Variants in GLI2 observed in about 807,000 individuals in gnomAD.
GLI2 encodes the protein transcription activator GLI2.
Under a neutral mutation model 78.9 loss-of-function variants are expected in GLI2, and 22 were observed. The ratio of observed to expected loss-of-function variants is 0.28; its 90% CI spans 0.20 to 0.40. The LOEUF is 0.40. GLI2 is among the 10% of genes least tolerant of loss of function. The pLI, the probability that GLI2 is intolerant of heterozygous loss-of-function variation, is 1.00. For missense variants in GLI2, 2,097 were observed against 2,213.2 expected (o/e 0.95, Z 1.05); for synonymous variants, 974 against 963.7 (o/e 1.01, Z -0.20).
intron 2 of GLI2, among the ~76,000 whole-genome samples, chr2:120,905,036 T>C (rs2104793983): frequency 6.6e-6 from 1 of 152,330 alleles, no homozygotes; most frequent in South Asian, 2.1e-4. Context: ...ATGTGAGCAA[T>C]GAAACTTGCC....
chr2:120,963,719 C>T (rs553991866), intron 5 of GLI2, among the ~76,000 whole-genome samples: 1 of 152,380 alleles, frequency 6.6e-6, no homozygotes, highest in Admixed American at 6.5e-5. Flanking sequence ...CTCCTCTGCA[C>T]CCTGGGCATA....
At chr2:120,899,736 A>G (rs1052495132) in intron 2 of GLI2, among the ~76,000 whole-genome samples, 1 of 152,080 alleles carries the variant, frequency 6.6e-6, no homozygotes, top group African/African-American at 2.4e-5. Context: ...TCTTGTGGCT[A>G]CTCTGAGGGT....
intron 2 of GLI2, among the ~76,000 whole-genome samples, chr2:120,915,114 C>A (rs767066951): frequency 6.6e-6 from 1 of 152,216 alleles, no homozygotes; most frequent in African/African-American, 2.4e-5. Context: ...ACCAGGAGAC[C>A]AGTCTCAGAA....
rs761492633 is a variant in GLI2 at position 120,989,747 on chromosome 2, G to A, written c.3782G>A (p.Gly1261Glu). Residue 1261 changes from glycine to glutamate, a missense_variant, in exon 14 of 14, where the codon GGG (glycine) becomes GAG (glutamate). Gly to Glu is a moderately conservative substitution (Grantham distance 98, BLOSUM62 -2). Around this residue, in one of 5 missense-constraint regions of GLI2, gnomAD observed 1,290 missense variants for 1,261.7 expected, o/e 1.02. Coordinates refer to ENST00000361492, the MANE Select transcript of GLI2 (RefSeq NM_001374353.1). ...QSCSNMPAKP[G>E]HLGHPQQTEV... The stretch of plus-strand genomic sequence containing the variant: ...TGCAGCAACATGCCAGCCAAGCCAG[G>A]GCATCTGGGGCACCCTCAGCAGACA... 3.1e-6 allele frequency: 5 copies of A among 1,612,830 alleles called. No homozygotes were observed. The highest frequency in any genetic ancestry group is 4.2e-6 in the Non-Finnish European group (5 of 1,179,792).
At chr2:120,936,893 A>G (rs1180260190) in intron 3 of GLI2, among the ~76,000 whole-genome samples, 4 of 152,172 alleles carry the variant, frequency 2.6e-5, no homozygotes, top group Non-Finnish European at 4.4e-5. Flanking sequence ...CTGAGGGAAA[A>G]TGTGAGCAGT....
intron 2 of GLI2, among the ~76,000 whole-genome samples, chr2:120,896,543 C>A (rs116439862): frequency 0.027 from 4,132 of 152,118 alleles, 156 homozygotes; most frequent in African/African-American, 0.081. Context: ...GTGGTAACAG[C>A]AGTAAAAATT....
intron 3 of GLI2, among the ~76,000 whole-genome samples, chr2:120,944,669 C>T (rs1276702893): frequency 6.6e-6 from 1 of 152,234 alleles, no homozygotes; most frequent in African/African-American, 2.4e-5. Flanking sequence ...TGTCAGTGCC[C>T]AATCCAACTT....
chr2:120,898,901 G>A (rs543561882), intron 2 of GLI2, among the ~76,000 whole-genome samples: 40 of 152,252 alleles, frequency 2.6e-4, no homozygotes, highest in African/African-American at 9.6e-4. Context: ...GGCTGCTGGT[G>A]CTAAGACTTT....
rs141532206 is a variant in GLI2, at chr2:120,768,280, C to T, written c.-30-29011C>T. Among the ~76,000 whole-genome samples the T allele has an allele frequency of 3.2e-3, 487 of 152,190 alleles. 2 individuals are homozygous for T. The highest frequency in any genetic ancestry group is 0.011 in the African/African-American group (459 of 41,538). On this transcript the variant is annotated intron_variant, in intron 1 of 13. Coordinates refer to ENST00000361492, the MANE Select transcript of GLI2 (RefSeq NM_001374353.1). The stretch of plus-strand genomic sequence containing the variant: ...CCTATGCGGTGGGCGGACTTATCCC[C>T]GTCTCAGAGGAAGCACTGAGCCAGA...
At chr2:120,807,917 G>A (rs553459040) in intron 2 of GLI2, among the ~76,000 whole-genome samples, 8 of 152,286 alleles carry the variant, frequency 5.3e-5, no homozygotes, top group African/African-American at 1.7e-4. Flanking sequence ...TGGGCAGGGT[G>A]GGGAGGGAGC....
chr2:120,966,885 G>T (rs1340291702), intron 5 of GLI2, among the ~76,000 whole-genome samples: 2 of 152,228 alleles, frequency 1.3e-5, no homozygotes, highest in Admixed American at 6.5e-5. Flanking sequence ...ATGATTCAGA[G>T]TGGCCCTAAG....
chr2:120,955,138 T>C, intron 4 of GLI2, 107 bp from the exon 5 acceptor site: 1 of 747,436 alleles, frequency 1.3e-6, no homozygotes, highest in Non-Finnish European at 2.3e-6. Flanking sequence ...ACACCAGGTG[T>C]GCATTTCTCT....
chr2:120,833,431 G>C (rs1217430106), intron 2 of GLI2, among the ~76,000 whole-genome samples: 1 of 152,112 alleles, frequency 6.6e-6, no homozygotes, highest in African/African-American at 2.4e-5. Context: ...AACAGGCCTG[G>C]GCCTGCCTCT....
At chr2:120,741,252 C>T (rs1249563954) in intron 1 of GLI2, among the ~76,000 whole-genome samples, 1 of 152,182 alleles carries the variant, frequency 6.6e-6, no homozygotes, top group Non-Finnish European at 1.5e-5. Context: ...GGTTTGGAGC[C>T]ATTCCCTCTA....
chr2:120,945,070 A>G (rs1680641697), intron 3 of GLI2, among the ~76,000 whole-genome samples: 2 of 152,206 alleles, frequency 1.3e-5, no homozygotes, highest in South Asian at 4.1e-4. Context: ...CCCACTAGGG[A>G]GGGAGGGAAA....
chr2:120,853,571 A>C (rs1400795256), intron 2 of GLI2, among the ~76,000 whole-genome samples: 2 of 152,200 alleles, frequency 1.3e-5, no homozygotes, highest in African/African-American at 4.8e-5. Flanking sequence ...TGTTTTTCTA[A>C]GTCACTAGTC....
At chr2:120,901,008 G>C (rs1378665178) in intron 2 of GLI2, among the ~76,000 whole-genome samples, 1 of 152,180 alleles carries the variant, frequency 6.6e-6, no homozygotes, top group Non-Finnish European at 1.5e-5. Flanking sequence ...GTTTGTACCA[G>C]GGTATGTTCT....
chr2:120,968,930 C>T lies in GLI2; in HGVS notation c.845+15C>T. 2 of 1,599,870 alleles carry T rather than the reference C, an allele frequency of 1.3e-6. No homozygotes were observed. The highest frequency in any genetic ancestry group is 1.7e-6 in the Non-Finnish European group (2 of 1,172,224). On this transcript the variant is annotated intron_variant, in intron 6 of 13. Coordinates refer to ENST00000361492, the MANE Select transcript of GLI2 (RefSeq NM_001374353.1). Reference sequence around the variant, plus strand: ...GGTGCCCTCAGGTGAGCCCCGCCTGCAAGCAGAGAGCTGAGGACCAGAGCT... The same window carrying T: ...GGTGCCCTCAGGTGAGCCCCGCCTGTAAGCAGAGAGCTGAGGACCAGAGCT...
At chr2:120,889,004 G>A (rs1677550003) in intron 2 of GLI2, among the ~76,000 whole-genome samples, 2 of 152,206 alleles carry the variant, frequency 1.3e-5, no homozygotes, top group African/African-American at 4.8e-5. Context: ...AGGAGGCCCA[G>A]GCTAGACGGC....
Sources: gnomAD v4.1 joint callset for allele counts (sites outside exome capture counted in the v4.1 genomes callset) on GRCh38, gnomAD v4.1.1 for gene constraint, gnomAD v4.1.1 regional missense constraint, MANE v1.5 for transcripts, NCBI Gene and HGNC (gene_info 2026-07-23, HGNC 2026-07-21) for gene names.